The following PPP1R12A variants were observed in gnomAD, a reference collection of about 807,000 sequenced individuals.
The protein encoded by PPP1R12A is myosin binding subunit.
PPP1R12A carries 19 observed loss-of-function variants against 139.6 expected under a neutral mutation model. That is an observed-to-expected ratio of 0.14 (90% confidence interval 0.09 to 0.20). The LOEUF (loss-of-function observed/expected upper bound fraction) is 0.20, where lower values mean the gene tolerates loss of function less well. Among genes scored for constraint, PPP1R12A ranks in the 10% least tolerant of loss-of-function variants. The probability of loss-of-function intolerance (pLI) is 1.00; values close to 1 mark genes in which losing one functional copy is unlikely to be tolerated. For missense variants in PPP1R12A, 925 were observed against 1,211.5 expected, an observed-to-expected ratio of 0.76 and a Z score of 3.51; for synonymous variants, 427 against 420.6, an observed-to-expected ratio of 1.02 and a Z score of -0.19.
chr12:79,797,903 G>C (rs1053727909), intron 15 of PPP1R12A, among the ~76,000 whole-genome samples: 8 of 152,150 alleles, frequency 5.3e-5, no homozygotes, highest in African/African-American at 1.9e-4. Flanking sequence ...GGTAAGGATA[G>C]ACAGCTGAAT....
At chr12:79,895,741 C>G (rs774117975) in intron 1 of PPP1R12A, among the ~76,000 whole-genome samples, 1 of 152,194 alleles carries the variant, frequency 6.6e-6, no homozygotes, top group African/African-American at 2.4e-5. Flanking sequence ...ACCAGCACTG[C>G]TACTCTGTTC....
chr12:79,866,405 G>A (rs1392783446), intron 2 of PPP1R12A, among the ~76,000 whole-genome samples: 3 of 152,288 alleles, frequency 2.0e-5, no homozygotes, highest in African/African-American at 7.2e-5. Context: ...TCAGGACATA[G>A]GCATGGGCAA....
At chr12:79,888,253 C>A (rs1325041811) in intron 1 of PPP1R12A, among the ~76,000 whole-genome samples, 2 of 152,036 alleles carry the variant, frequency 1.3e-5, no homozygotes, top group African/African-American at 4.8e-5. Flanking sequence ...AAGTACTTAA[C>A]CAATATTTGG....
chr12:79,885,104 T>G (rs1232573775), intron 1 of PPP1R12A, among the ~76,000 whole-genome samples: 1 of 152,196 alleles, frequency 6.6e-6, no homozygotes, highest in African/African-American at 2.4e-5. Context: ...AATTCTAACA[T>G]TGTTATATTC....
intron 3 of PPP1R12A, among the ~76,000 whole-genome samples, chr12:79,840,504 T>A (rs1414804198): frequency 6.6e-6 from 1 of 152,096 alleles, no homozygotes; most frequent in East Asian, 1.9e-4. Flanking sequence ...ACAAACCCAA[T>A]ATATACTCAT....
At chr12:79,823,262 ATC>A (rs1466926543) in intron 5 of PPP1R12A, among the ~76,000 whole-genome samples, 1 of 152,118 alleles carries the variant, frequency 6.6e-6, no homozygotes, top group Non-Finnish European at 1.5e-5. Flanking sequence ...TTTGTATGTT[ATC>A]CAGTATATGA....
At chr12:79,794,999 C>G (rs1022582250) in intron 18 of PPP1R12A, among the ~76,000 whole-genome samples, 6 of 152,062 alleles carry the variant, frequency 3.9e-5, no homozygotes, top group Admixed American at 3.3e-4. Context: ...GCAATCTACA[C>G]TGCTGTTTTT....
In PPP1R12A at chr12:79,830,147, C is replaced by G. The variant is rs111411557; in HGVS notation, c.648-1683G>C. Among the ~76,000 whole-genome samples the G allele has an allele frequency of 5.3e-3, 800 of 152,040 alleles. 8 individuals are homozygous for G. The highest frequency in any genetic ancestry group is 0.017 in the African/African-American group (716 of 41,518). On this transcript the variant is annotated intron_variant, in intron 4 of 24. Coordinates refer to ENST00000450142, the MANE Select transcript of PPP1R12A (RefSeq NM_002480.3). Reference sequence around the variant, plus strand: ...AGGATACATAGGGACATCACTCTCTCACCGCTGACTTTTAGCCAACTAGCT... The same window carrying G: ...AGGATACATAGGGACATCACTCTCTGACCGCTGACTTTTAGCCAACTAGCT...
At chr12:79,839,575 G>A (rs866078603) in intron 3 of PPP1R12A, among the ~76,000 whole-genome samples, 44 of 152,080 alleles carry the variant, frequency 2.9e-4, no homozygotes, top group Middle Eastern at 3.2e-3. Context: ...TGAATCATGG[G>A]GGCAGTTACC....
At chr12:79,786,014 CATAAA>C (rs1437763072) in intron 22 of PPP1R12A, among the ~76,000 whole-genome samples, 11 of 152,106 alleles carry the variant, frequency 7.2e-5, no homozygotes, top group Non-Finnish European at 1.5e-4. Context: ...CTTGAACAAA[CATAAA>C]ATATTTGTAG....
intron 9 of PPP1R12A, among the ~76,000 whole-genome samples, chr12:79,815,102 A>G (rs990543686): frequency 6.6e-6 from 1 of 152,200 alleles, no homozygotes; most frequent in Non-Finnish European, 1.5e-5. Context: ...CTTTTCAGTT[A>G]GGGCATTAGG....
chr12:79,923,167 G>A (rs1229717355), intron 1 of PPP1R12A, among the ~76,000 whole-genome samples: 1 of 152,080 alleles, frequency 6.6e-6, no homozygotes, highest in African/African-American at 2.4e-5. Context: ...CCAGCTACTC[G>A]GGAGGCTGAG....
At position 79,822,205 on chromosome 12, in the gene PPP1R12A, AGG is replaced by A. The variant is rs1323987810; in HGVS notation, c.793-17_793-16del. The A allele has an allele frequency of 6.4e-7, 1 of 1,552,520 alleles. No individual in the cohort carries two copies. ...GCTGTTTGGCCCTACGTAGGAAACA[AGG>A]GGGGATGGTGATGGTCAAAAGTCAA... On this transcript the variant is annotated splice_polypyrimidine_tract_variant and intron_variant, in intron 5 of 24. Coordinates refer to ENST00000450142, the MANE Select transcript of PPP1R12A (RefSeq NM_002480.3).
chr12:79,808,349 T>C, intron 11 of PPP1R12A, 134 bp downstream of exon 11: 1 of 611,648 alleles, frequency 1.6e-6, no homozygotes, highest in Non-Finnish European at 2.8e-6. Context: ...CCTGGTATTT[T>C]CTCCTTCAGG....
chr12:79,803,563 T>A (rs753946914), intron 14 of PPP1R12A, among the ~76,000 whole-genome samples: 1 of 152,162 alleles, frequency 6.6e-6, no homozygotes, highest in Admixed American at 6.5e-5. Context: ...ATACATTTTT[T>A]AGGCAAATTT....
chr12:79,836,177 A>C (rs946243158), intron 3 of PPP1R12A, among the ~76,000 whole-genome samples: 4 of 152,208 alleles, frequency 2.6e-5, no homozygotes, highest in African/African-American at 9.6e-5. Flanking sequence ...GATTTTTATA[A>C]AAATCAAATG....
chr12:79,897,347 G>C (rs1234612227), intron 1 of PPP1R12A, among the ~76,000 whole-genome samples: 2 of 152,200 alleles, frequency 1.3e-5, no homozygotes, highest in Admixed American at 1.3e-4. Context: ...CTAAATATTG[G>C]GTACTGTATT....
intron 1 of PPP1R12A, among the ~76,000 whole-genome samples, chr12:79,909,691 G>A (rs1886405131): frequency 6.7e-6 from 1 of 148,780 alleles, no homozygotes; most frequent in Non-Finnish European, 1.5e-5. Context: ...CCGAGATCAC[G>A]CTACTGTACT....
At chr12:79,806,421 GA>G (rs1414278513) in intron 12 of PPP1R12A, 88 bp from the exon 13 acceptor site, 8 of 1,271,984 alleles carry the variant, frequency 6.3e-6, no homozygotes, top group Non-Finnish European at 7.5e-6. Flanking sequence ...TACAAGGCTA[GA>G]AAAAAAATTT....
Sources: gnomAD v4.1 joint callset for allele counts (sites outside exome capture counted in the v4.1 genomes callset) on GRCh38, gnomAD v4.1.1 for gene constraint, MANE v1.5 for transcripts, NCBI Gene and HGNC (gene_info 2026-07-23, HGNC 2026-07-21) for gene names.